The following IGLON5 variants were observed in gnomAD, a reference collection of about 807,000 sequenced individuals.
IGLON5 encodes the protein Ig-like domain-containing protein ENSP00000270642.
Under a neutral mutation model 38.2 loss-of-function variants are expected in IGLON5, and 16 were observed. That is an observed-to-expected ratio of 0.42 (90% CI 0.28 to 0.64). The LOEUF (loss-of-function observed/expected upper bound fraction) is 0.64. Among genes scored for constraint, IGLON5 ranks in the 30% least tolerant of loss-of-function variants. IGLON5 has a pLI of 0.23. For synonymous variants in IGLON5, 207 were observed against 216.4 expected, an observed-to-expected ratio of 0.96 and a Z score of 0.38; for missense variants, 366 against 483.4, an observed-to-expected ratio of 0.76 and a Z score of 2.28.
At position 51,323,725 on chromosome 19, in the gene IGLON5, C is replaced by G. The variant is rs771248725; in HGVS notation, c.222C>G (p.Ala74=). 3.1e-6 allele frequency: 5 copies of G among 1,613,960 alleles called. No homozygotes were observed. The South Asian group carries it at 4.4e-5, about 14-fold the overall frequency. ...AWLNRSNILY[A]GNDRWTSDPR... ...TGAACCGCTCCAACATCCTGTATGCCGGCAATGACCGCTGGACCAGCGACC... is the reference window on the plus strand; with the variant it reads ...TGAACCGCTCCAACATCCTGTATGCGGGCAATGACCGCTGGACCAGCGACC... The change falls in exon 3 of 8, where the codon GCC becomes GCG. Residue 74 remains alanine, a synonymous_variant. Transcript: ENST00000270642.
At chr19:51,316,463 C>CTT (rs11424604) in intron 1 of IGLON5, among the ~76,000 whole-genome samples, 6 of 147,552 alleles carry the variant, frequency 4.1e-5, no homozygotes, top group Admixed American at 1.3e-4. Context: ...CAGATTTTTT[C>CTT]TTTTTTTTTC....
intron 1 of IGLON5, among the ~76,000 whole-genome samples, chr19:51,320,332 G>A (rs923660891): frequency 1.3e-5 from 2 of 152,232 alleles, no homozygotes; most frequent in African/African-American, 4.8e-5. Flanking sequence ...CATTGGGGCA[G>A]CACGGGCCAT....
chr19:51,330,688 G>A lies in IGLON5; in HGVS notation c.*1929G>A, dbSNP rs935143254. Reference sequence around the variant, plus strand: ...GGGTTGCTTTTCTCCATCACATGGAGAGATCTTGGCTCTGTGGGGATAGCA... The same window carrying A: ...GGGTTGCTTTTCTCCATCACATGGAAAGATCTTGGCTCTGTGGGGATAGCA... On this transcript the variant is annotated 3_prime_UTR_variant, in exon 8 of 8. Coordinates refer to ENST00000270642, the MANE Select transcript of IGLON5 (RefSeq NM_001101372.3). Among the ~76,000 whole-genome samples the A allele has an allele frequency of 6.6e-6, 1 of 152,202 alleles. No individual in the cohort carries two copies. The highest frequency in any genetic ancestry group is 1.5e-5 in the Non-Finnish European group (1 of 68,028).
Position 51,321,263 on chromosome 19 carries a change from C to T in IGLON5, c.80-801C>T, listed in dbSNP as rs143108505. Reference sequence around the variant, plus strand: ...CGTGATCTTGGCTCACTGCAACCTCCGCCTCCCGAGTTCAAGTGATTCTCC... The same window carrying T: ...CGTGATCTTGGCTCACTGCAACCTCTGCCTCCCGAGTTCAAGTGATTCTCC... On this transcript the variant is annotated intron_variant, in intron 1 of 7. Transcript: ENST00000270642. 3.9e-3 allele frequency among the ~76,000 whole-genome samples: 600 copies of T among 152,200 alleles called. 3 individuals are homozygous for T. The highest frequency in any genetic ancestry group is 6.5e-3 in the Non-Finnish European group (440 of 68,010).
chr19:51,322,404 C>A (rs1157928596), intron 2 of IGLON5, among the ~76,000 whole-genome samples: 4 of 146,016 alleles, frequency 2.7e-5, no homozygotes, highest in African/African-American at 1.1e-4. Flanking sequence ...GGACAGAGAC[C>A]CAGAGAGAAG....
chr19:51,313,102 C>T (rs910142864), intron 1 of IGLON5, among the ~76,000 whole-genome samples: 12 of 152,172 alleles, frequency 7.9e-5, no homozygotes, highest in Admixed American at 3.9e-4. Flanking sequence ...CCCGTCACAG[C>T]GTCCCACCCG....
rs1985161242 is a variant in IGLON5, at chr19:51,324,364, C to T, written c.391+470C>T. ...CAGGCAAGAAGATGAGCCAAGTGTG[C>T]AAAGGGAAGTCTCATGAGGCTGGAA... On this transcript the variant is annotated intron_variant, in intron 3 of 7. Transcript: ENST00000270642. The surrounding 1 kb of genome is among the most constrained non-coding windows in gnomAD (Gnocchi z 4.2). Among the ~76,000 whole-genome samples, 1 of 152,114 alleles carries T rather than the reference C, an allele frequency of 6.6e-6. No individual in the cohort carries two copies.
At position 51,325,047 on chromosome 19, in the gene IGLON5, T is replaced by C. The variant is rs1985177584; in HGVS notation, c.392-299T>C. On this transcript the variant is annotated intron_variant, in intron 3 of 7. Transcript: ENST00000270642. The surrounding 1 kb of genome is among the most constrained non-coding windows in gnomAD (Gnocchi z 5.5). ...AGTTAGGATGAAGGTGGAGAGAGAA[T>C]AGAGACAAGACCAGCAATTAGACAA... is the stretch of plus-strand genomic sequence containing the variant. 6.6e-6 allele frequency among the ~76,000 whole-genome samples: 1 copy of C among 151,776 alleles called. No individual in the cohort carries two copies. Among genetic ancestry groups the C allele is most frequent in the African/African-American group, 2.4e-5 (1 of 41,266 alleles).
In IGLON5 at chr19:51,321,920, TGTGCACGTGTG is replaced by T. The variant is rs1201638037; in HGVS notation, c.80-138_80-128del. ...ACGTCTGTGTCCGCAAGGACGTGTG[TGTGCACGTGTG>T]GTGCATGTGTGTGGCAGCGGGTGCA... On this transcript the variant is annotated intron_variant, in intron 1 of 7. Transcript: ENST00000270642. The T allele has an allele frequency of 7.3e-6, 5 of 688,228 alleles. No homozygotes were observed. The East Asian group carries it at 1.1e-4, about 14-fold the overall frequency. 42.6% of individuals were successfully genotyped at this position (688,228 alleles called of 1,614,324 possible).
Position 51,313,825 on chromosome 19 carries a change from G to C in IGLON5, c.79+1899G>C, listed in dbSNP as rs559651599. Among the ~76,000 whole-genome samples, 3 of 151,724 alleles carry C rather than the reference G, an allele frequency of 2.0e-5. No individual in the cohort carries two copies. The East Asian group carries it at 5.8e-4, about 30-fold the overall frequency. ...CAGCCTCAATTTCCCTGCCTCAAGC[G>C]ATCCTGCCACCTCAGCCTCTGGAGT... On this transcript the variant is annotated intron_variant, in intron 1 of 7. Transcript: ENST00000270642.
At chr19:51,313,688 TTTCTTTCTTCTTTCTTC>T (rs71333935) in intron 1 of IGLON5, among the ~76,000 whole-genome samples, 2 of 81,960 alleles carry the variant, frequency 2.4e-5, no homozygotes, top group East Asian at 3.8e-4. Flanking sequence ...TCTTTCTTTC[TTTCTTTCTTCTTTCTTC>T]TCTTTTTTTC....
intron 5 of IGLON5, 81 bp downstream of exon 5, chr19:51,326,979 C>G (rs866979196): frequency 6.4e-7 from 1 of 1,574,032 alleles, no homozygotes; most frequent in Non-Finnish European, 8.6e-7. Flanking sequence ...GAAGAGGAAG[C>G]GGGGGCGAGA....
At position 51,329,340 on chromosome 19, in the gene IGLON5, C is replaced by G. The variant is rs1252377121; in HGVS notation, c.*581C>G. ...CCCTCCCCCTGTCGAAAGGGCAACT[C>G]CTGGCAGGTTGGGAGTGGGGAGGGG... On this transcript the variant is annotated 3_prime_UTR_variant, in exon 8 of 8. Transcript: ENST00000270642. This position sits in a 1 kb window ranked among gnomAD's most constrained non-coding sequence, Gnocchi z 4.3. 1.3e-5 allele frequency: 2 copies of G among 152,242 alleles called. No homozygotes were observed. The highest frequency in any genetic ancestry group is 4.8e-5 in the African/African-American group (2 of 41,426). The allele number at this position is 152,242 out of a possible 1,614,324, so 9.4% of individuals were successfully genotyped here.
intron 1 of IGLON5, among the ~76,000 whole-genome samples, chr19:51,316,847 T>G (rs8103884): frequency 6.6e-6 from 1 of 151,590 alleles, no homozygotes; most frequent in Non-Finnish European, 1.5e-5. Flanking sequence ...TGGGGACTCC[T>G]GGGTGCCAGA....
chr19:51,328,796 G>T lies in IGLON5; in HGVS notation c.*37G>T. ...TGGAGCTCACCTCCCCCTGCAGGGG[G>T]CCTCAGGCCAAGAGTGAGAGAAACG... On this transcript the variant is annotated 3_prime_UTR_variant, in exon 8 of 8. Transcript: ENST00000270642. The T allele has an allele frequency of 1.3e-6, 2 of 1,488,402 alleles. No individual in the cohort carries two copies. The highest frequency in any genetic ancestry group is 2.1e-5 in the Admixed American group (1 of 47,658). 92.2% of individuals were successfully genotyped at this position (1,488,402 alleles called of 1,614,324 possible). A position where few individuals can be genotyped will look rare whatever the true frequency, so the allele number is the denominator to read the frequency against.
intron 2 of IGLON5, among the ~76,000 whole-genome samples, chr19:51,323,088 T>C (rs1985115686): frequency 6.7e-6 from 1 of 148,580 alleles, no homozygotes; most frequent in South Asian, 2.2e-4. Context: ...TCTGTGTGTG[T>C]GTGAGTCTCT....
At chr19:51,322,429 G>GC (rs1326304444) in intron 2 of IGLON5, among the ~76,000 whole-genome samples, 3 of 147,966 alleles carry the variant, frequency 2.0e-5, no homozygotes, top group African/African-American at 7.9e-5. Context: ...CAGAGATCCA[G>GC]AGAGAAGGGG....
At chr19:51,317,708 A>C (rs1467658551) in intron 1 of IGLON5, among the ~76,000 whole-genome samples, 1 of 152,226 alleles carries the variant, frequency 6.6e-6, no homozygotes, top group Non-Finnish European at 1.5e-5. Context: ...CTAAAAAAGA[A>C]GGTGCTGTTA....
chr19:51,323,257 T>C (rs1164654643), intron 2 of IGLON5, among the ~76,000 whole-genome samples: 1 of 151,112 alleles, frequency 6.6e-6, no homozygotes, highest in Non-Finnish European at 1.5e-5. Context: ...TCTCTCTCTC[T>C]CTGGGTCTCT....
Sources: gnomAD v4.1 joint callset for allele counts (sites outside exome capture counted in the v4.1 genomes callset) on GRCh38, gnomAD v4.1.1 for gene constraint, Gnocchi (gnomAD v3.1) non-coding constraint, MANE v1.5 for transcripts, NCBI Gene and HGNC (gene_info 2026-07-23, HGNC 2026-07-21) for gene names.